TSFM: variants seen among roughly 807,000 people sequenced by gnomAD.
TSFM encodes elongation factor Ts, mitochondrial.
A neutral mutation model predicts 33.4 loss-of-function variants in TSFM; 29 were observed. The ratio of observed to expected loss-of-function variants is 0.87; its 90% CI spans 0.65 to 1.18. TSFM has a LOEUF of 1.18. Among genes scored for constraint, TSFM ranks in the 50% most tolerant of loss-of-function variants. The pLI is 0.00. For synonymous variants in TSFM, 178 were observed against 163.5 expected, an observed-to-expected ratio of 1.09 and a Z score of -0.68; for missense variants, 394 against 395.6, an observed-to-expected ratio of 1.00 and a Z score of 0.04.
chr12:57,800,067 G>C, downstream of TSFM: 2 of 1,086,870 alleles, frequency 1.8e-6, no homozygotes, highest in Middle Eastern at 4.4e-4. Context: ...CCCAAACCTG[G>C]CTGCATGTCA....
intron 2 of TSFM, chr12:57,783,742 C>T: frequency 1.8e-6 from 1 of 570,584 alleles, no homozygotes. Flanking sequence ...TACAGGCGTG[C>T]GCCACGACAC....
intron 5 of TSFM, among the ~76,000 whole-genome samples, chr12:57,795,925 G>C (rs1955731194): frequency 6.6e-6 from 1 of 152,114 alleles, no homozygotes; most frequent in South Asian, 2.1e-4. Flanking sequence ...CTGTTTTTAA[G>C]TACCAGAGTG....
rs765880033 is a variant in TSFM at position 57,793,070 on chromosome 12, A to G, written c.568A>G (p.Ile190Val). The part of the protein sequence containing the change: ...GSLKDQLALA[I>V]GKLGENMILK... ...ACTCAAGGATCAGTTGGCTTTAGCA[A>G]TTGGTGAGTATTTGTAAAGGTTCTG... Residue 190 changes from isoleucine to valine, a missense_variant, in exon 5 of 6, where the codon ATT becomes GTT. By Grantham distance (29) the Ile-to-Val change is conservative. Around this residue, in one of 3 missense-constraint regions of TSFM, gnomAD observed 186 missense variants for 198.8 expected, o/e 0.94. Transcript: ENST00000652027. The G allele has an allele frequency of 2.5e-5, 40 of 1,612,630 alleles. No individual in the cohort carries two copies. The highest frequency in any genetic ancestry group is 1.6e-4 in the Middle Eastern group (1 of 6,082).
intron 5 of TSFM, among the ~76,000 whole-genome samples, chr12:57,795,517 G>C (rs1051622212): frequency 2.6e-5 from 4 of 152,206 alleles, no homozygotes; most frequent in Admixed American, 1.3e-4. Flanking sequence ...TTATGTCATT[G>C]AGTCACTTGC....
intron 2 of TSFM, chr12:57,783,596 C>CT (rs5798416): frequency 0.034 from 16,269 of 478,518 alleles, 41 homozygotes; most frequent in African/African-American, 0.058. Flanking sequence ...TGACTTTAGA[C>CT]TTTTTTTTTT....
Position 57,797,377 on chromosome 12 carries a change from T to G in TSFM, c.*794T>G. On this transcript the variant is annotated 3_prime_UTR_variant, in exon 6 of 6. Transcript: ENST00000652027. ...CCCAGAATACTGAAAATAACTCCAT[T>G]TGTTCATTATAGGTATCTTTATTTG... is the stretch of plus-strand genomic sequence containing the variant. 1 of 985,382 alleles carries G rather than the reference T, an allele frequency of 1.0e-6. No individual in the cohort carries two copies. Among genetic ancestry groups the G allele is most frequent in the South Asian group, 4.7e-5 (1 of 21,286 alleles). The allele number at this position is 985,382 out of a possible 1,614,324, so 61.0% of individuals were successfully genotyped here. A position where few individuals can be genotyped will look rare whatever the true frequency, so the allele number is the denominator to read the frequency against.
chr12:57,796,365 C>T lies in TSFM; in HGVS notation c.760C>T (p.Arg254Cys), dbSNP rs200132571. The T allele has an allele frequency of 5.1e-4, 823 of 1,603,292 alleles. 6 individuals are homozygous for T. The highest frequency in any genetic ancestry group is 1.2e-3 in the Admixed American group (69 of 57,880). ...GAAAACAAACCTTGAAGACGTTGGC[C>T]GCCGCCTTGGGCAGCATGTGGTGGG... ...EQKTNLEDVG[R>C]RLGQHVVGMA... Residue 254 changes from arginine to cysteine, a missense_variant, in exon 6 of 6, where the codon CGC (arginine) becomes TGC (cysteine). By Grantham distance (180) the Arg-to-Cys change is radical. This residue lies in a region of TSFM where 186 missense variants were observed against 198.8 expected (regional missense o/e 0.94). Transcript: ENST00000652027.
downstream of TSFM, chr12:57,801,279 G>T (rs527482959): frequency 3.7e-6 from 5 of 1,341,868 alleles, no homozygotes; most frequent in East Asian, 2.3e-5. Flanking sequence ...CTTAGGTCTG[G>T]TCTGTGTCTT....
chr12:57,792,914 T>C lies in TSFM; in HGVS notation c.484-72T>C, dbSNP rs964373032. On this transcript the variant is annotated intron_variant, in intron 4 of 5. Transcript: ENST00000652027. The stretch of plus-strand genomic sequence containing the variant: ...GCCAATACTTTTCTTAGAGATAGAC[T>C]ATTTTTGCCTATTCTTTTGATAATT... 40 of 1,453,250 alleles carry C rather than the reference T, an allele frequency of 2.8e-5. No individual in the cohort carries two copies. The Admixed American group carries it at 3.2e-4, about 12-fold the overall frequency. The allele number at this position is 1,453,250 out of a possible 1,614,324, so 90.0% of individuals were successfully genotyped here. A position where few individuals can be genotyped will look rare whatever the true frequency, so the allele number is the denominator to read the frequency against.
chr12:57,797,413 A>G lies in TSFM; in HGVS notation c.*830A>G. ...AGGTATCTTTATTTGAAAAGTGAAA[A>G]ATGCTTTGACACATTACAGATCTGG... On this transcript the variant is annotated 3_prime_UTR_variant, in exon 6 of 6. Transcript: ENST00000652027. 1.0e-6 allele frequency: 1 copy of G among 985,470 alleles called. No homozygotes were observed. Among genetic ancestry groups the G allele is most frequent in the Non-Finnish European group, 1.2e-6 (1 of 829,948 alleles). The allele number at this position is 985,470 out of a possible 1,614,324, so 61.0% of individuals were successfully genotyped here. A position where few individuals can be genotyped will look rare whatever the true frequency, so the allele number is the denominator to read the frequency against.
At chr12:57,802,145 ACT>A (rs1565829499), downstream of TSFM, 1 of 1,612,932 alleles carries the variant, frequency 6.2e-7, no homozygotes, top group Admixed American at 1.7e-5. Context: ...GAGCTTCCCT[ACT>A]CTCTTTTCTT....
intron 4 of TSFM, among the ~76,000 whole-genome samples, chr12:57,790,833 G>GT (rs1321028437): frequency 1.3e-5 from 2 of 149,782 alleles, no homozygotes; most frequent in Non-Finnish European, 3.0e-5. Flanking sequence ...GCTCATGCCT[G>GT]TAATTCCAGC....
chr12:57,784,736 C>G (rs1955566349), intron 2 of TSFM, among the ~76,000 whole-genome samples: 1 of 151,622 alleles, frequency 6.6e-6, no homozygotes, highest in East Asian at 2.0e-4. Flanking sequence ...TAAAATTAGC[C>G]TGGTGTGGTG....
Position 57,793,549 on chromosome 12 carries a change from G to A in TSFM, c.571+476G>A, listed in dbSNP as rs374122323. 2.4e-4 allele frequency among the ~76,000 whole-genome samples: 37 copies of A among 152,296 alleles called. 1 individual carries two copies. The highest frequency in any genetic ancestry group is 8.4e-4 in the African/African-American group (35 of 41,578). On this transcript the variant is annotated intron_variant, in intron 5 of 5. Transcript: ENST00000652027. ...ATTAGGCATCTTAAAGAGCTCATACGCTGCTGGAGGAAGTCCCATTGCCAA... is the reference window on the plus strand; with the variant it reads ...ATTAGGCATCTTAAAGAGCTCATACACTGCTGGAGGAAGTCCCATTGCCAA...
intron 3 of TSFM, 40 bp downstream of exon 3, chr12:57,786,331 C>A (rs1382218414): frequency 5.0e-6 from 8 of 1,596,136 alleles, no homozygotes; most frequent in Non-Finnish European, 6.8e-6. Flanking sequence ...AACAGCTGTC[C>A]CTTGGGTGTA....
rs757499986 is a variant in TSFM at position 57,793,122 on chromosome 12, C to G, written c.571+49C>G. 2.5e-5 allele frequency: 37 copies of G among 1,479,286 alleles called. 1 individual carries two copies. The highest frequency in any genetic ancestry group is 1.7e-4 in the Middle Eastern group (1 of 5,814). The allele number at this position is 1,479,286 out of a possible 1,614,324, so 91.6% of individuals were successfully genotyped here. On this transcript the variant is annotated intron_variant, in intron 5 of 5. Coordinates refer to ENST00000652027, the MANE Select transcript of TSFM (RefSeq NM_005726.6). ...AAACTGGAAATTAGGGACTGGATCT[C>G]TTGTTATCTTGTTCCTCCAAATCTA...
rs1955603232 is a variant in TSFM, at chr12:57,787,226, C to G, written c.483+64C>G. 10 of 1,449,556 alleles carry G rather than the reference C, an allele frequency of 6.9e-6. No individual in the cohort carries two copies. The South Asian group carries it at 9.0e-5, about 13-fold the overall frequency. The allele number at this position is 1,449,556 out of a possible 1,614,324, so 89.8% of individuals were successfully genotyped here. On this transcript the variant is annotated intron_variant, in intron 4 of 5. Transcript: ENST00000652027. ...GTCCTCATTGGGTCTTTTGCTGTTC[C>G]TATTGTAGACATTCTCATGTCTCAT... is the stretch of plus-strand genomic sequence containing the variant.
chr12:57,799,143 A>G (rs1302384074), downstream of TSFM, among the ~76,000 whole-genome samples: 4 of 152,166 alleles, frequency 2.6e-5, no homozygotes, highest in Non-Finnish European at 5.9e-5. Flanking sequence ...GTGGTCAGGA[A>G]ATGCCTCCCT....
intron 5 of TSFM, among the ~76,000 whole-genome samples, chr12:57,794,039 C>T (rs1396246505): frequency 6.6e-6 from 1 of 152,184 alleles, no homozygotes; most frequent in African/African-American, 2.4e-5. Context: ...TTGGAGCTTG[C>T]TGGGAATTTA....
Sources: gnomAD v4.1 joint callset for allele counts (sites outside exome capture counted in the v4.1 genomes callset) on GRCh38, gnomAD v4.1.1 for gene constraint, gnomAD v4.1.1 regional missense constraint, MANE v1.5 for transcripts, NCBI Gene and HGNC (gene_info 2026-07-23, HGNC 2026-07-21) for gene names.